SEC23A: variants seen among roughly 807,000 people sequenced by gnomAD.
SEC23A encodes protein transport protein Sec23A.
A neutral mutation model predicts 103.7 loss-of-function variants in SEC23A; 56 were observed. The observed-to-expected ratio is 0.54, with a 90% CI of 0.44 to 0.67. The LOEUF is 0.67. SEC23A is among the 30% of genes least tolerant of loss of function. The probability of loss-of-function intolerance (pLI) is 0.00; values close to 1 mark genes in which losing one functional copy is unlikely to be tolerated. For missense variants in SEC23A, 784 were observed against 936.4 expected, an observed-to-expected ratio of 0.84 and a Z score of 2.12; for synonymous variants, 281 against 293.0, an observed-to-expected ratio of 0.96 and a Z score of 0.42.
At chr14:39,102,578 T>C (rs2139312259) in intron 1 of SEC23A, among the ~76,000 whole-genome samples, 1 of 152,332 alleles carries the variant, frequency 6.6e-6, no homozygotes, top group Middle Eastern at 3.4e-3. Context: ...ACCCAAGGCA[T>C]TATCTTTACC....
Position 39,036,754 on chromosome 14 carries a change from G to A in SEC23A, c.2208+2277C>T, listed in dbSNP as rs142978991. Among the ~76,000 whole-genome samples, 12 of 152,132 alleles carry A rather than the reference G, an allele frequency of 7.9e-5. No homozygotes were observed. The East Asian group carries it at 1.2e-3, about 15-fold the overall frequency. ...TCCAAATAAGTTCTGTGCCCTTACC[G>A]TAATAACAATCATCTGCCTATCCTA... is the stretch of plus-strand genomic sequence containing the variant. On this transcript the variant is annotated intron_variant, in intron 19 of 19. Transcript: ENST00000307712.
intron 19 of SEC23A, among the ~76,000 whole-genome samples, chr14:39,034,088 A>T (rs1170689454): frequency 6.6e-6 from 1 of 152,230 alleles, no homozygotes; most frequent in Non-Finnish European, 1.5e-5. Context: ...AACATGCCAT[A>T]ACCTCTCCTG....
intron 13 of SEC23A, 46 bp from the exon 14 acceptor site, chr14:39,055,342 C>T (rs747020941): frequency 1.9e-6 from 3 of 1,584,306 alleles, no homozygotes; most frequent in Admixed American, 3.3e-5. Flanking sequence ...ATTATTATAC[C>T]CACAATATCA....
chr14:39,078,579 C>T (rs1244331609), intron 7 of SEC23A, among the ~76,000 whole-genome samples: 1 of 152,110 alleles, frequency 6.6e-6, no homozygotes, highest in Non-Finnish European at 1.5e-5. Context: ...AGGCCATCTG[C>T]CTGGAGAAGG....
chr14:39,054,829 A>T (rs980101065), intron 14 of SEC23A, among the ~76,000 whole-genome samples: 44 of 152,238 alleles, frequency 2.9e-4, no homozygotes, highest in African/African-American at 1.0e-3. Flanking sequence ...TATGTAAAAA[A>T]GCACTAAAAA....
At chr14:39,070,793 A>G (rs12184985) in intron 9 of SEC23A, among the ~76,000 whole-genome samples, 20,308 of 152,186 alleles carry the variant, frequency 0.13, 1,424 homozygotes, top group Middle Eastern at 0.18. Flanking sequence ...TTGGGAGGCC[A>G]TGGCAGGTGG....
At chr14:39,064,833 G>A in intron 11 of SEC23A, 80 bp downstream of exon 11, 1 of 1,018,296 alleles carries the variant, frequency 9.8e-7, no homozygotes, top group East Asian at 2.4e-5. Flanking sequence ...TCCTGCCTCA[G>A]CTTCCCAAGT....
chr14:39,040,037 T>C (rs1885585534), intron 18 of SEC23A: 1 of 152,224 alleles, frequency 6.6e-6, no homozygotes, highest in Non-Finnish European at 1.5e-5. Context: ...CACTAGGGAA[T>C]ACAAAGCATA....
rs1886937369 is a variant in SEC23A, at chr14:39,074,320, A to T, written c.1103+95T>A. The T allele has an allele frequency of 3.7e-6, 3 of 818,370 alleles. No homozygotes were observed. The African/African-American group carries it at 5.0e-5, about 14-fold the overall frequency. The allele number at this position is 818,370 out of a possible 1,614,324, so 50.7% of individuals were successfully genotyped here. On this transcript the variant is annotated intron_variant, in intron 9 of 19. Transcript: ENST00000307712. ...TGTGTTGCCTTGAAGTAGTGGGAAG[A>T]TGACACTTTTCCCTAAATGGTCATT...
intron 5 of SEC23A, chr14:39,091,205 C>A: frequency 4.2e-6 from 2 of 477,994 alleles, no homozygotes; most frequent in East Asian, 8.2e-5. Context: ...CAGCATGACT[C>A]TTCATAAGCC....
intron 10 of SEC23A, among the ~76,000 whole-genome samples, chr14:39,065,204 C>T (rs1886616990): frequency 6.6e-6 from 1 of 152,146 alleles, no homozygotes. Context: ...CCTTCTATTT[C>T]CATTAGCACA....
chr14:39,074,059 G>A (rs758608043), intron 9 of SEC23A, among the ~76,000 whole-genome samples: 10 of 152,256 alleles, frequency 6.6e-5, no homozygotes, highest in South Asian at 2.1e-4. Flanking sequence ...AACAAATTAC[G>A]GTGATGGCTG....
intron 13 of SEC23A, among the ~76,000 whole-genome samples, chr14:39,059,288 A>AC (rs752811988): frequency 0.026 from 2,503 of 97,404 alleles, 96 homozygotes; most frequent in South Asian, 0.072. Context: ...TAAAAAAAAA[A>AC]AAAAAAAAAA....
intron 14 of SEC23A, among the ~76,000 whole-genome samples, chr14:39,052,070 A>ATG (rs1886081914): frequency 6.6e-6 from 1 of 152,042 alleles, no homozygotes; most frequent in South Asian, 2.1e-4. Context: ...AAAAGCAAAC[A>ATG]CCACATGCTC....
At chr14:39,079,705 C>G (rs1412051602) in intron 7 of SEC23A, among the ~76,000 whole-genome samples, 1 of 151,996 alleles carries the variant, frequency 6.6e-6, no homozygotes, top group Non-Finnish European at 1.5e-5. Context: ...ACCTATAATC[C>G]CAGCTACTTG....
intron 14 of SEC23A, among the ~76,000 whole-genome samples, chr14:39,050,926 G>A (rs1181843451): frequency 6.6e-6 from 1 of 152,226 alleles, no homozygotes; most frequent in Non-Finnish European, 1.5e-5. Flanking sequence ...AGTATCTTAT[G>A]TGATAAATGA....
chr14:39,042,375 C>A (rs1375146579), intron 17 of SEC23A, among the ~76,000 whole-genome samples: 1 of 152,178 alleles, frequency 6.6e-6, no homozygotes, highest in African/African-American at 2.4e-5. Context: ...TTCATGTATG[C>A]TTTAAATGAG....
At chr14:39,068,434 T>C (rs1594461172) in intron 9 of SEC23A, among the ~76,000 whole-genome samples, 1 of 152,182 alleles carries the variant, frequency 6.6e-6, no homozygotes, top group East Asian at 1.9e-4. Flanking sequence ...AAACAAAATA[T>C]ATTCACAAGG....
intron 19 of SEC23A, among the ~76,000 whole-genome samples, chr14:39,034,675 C>T (rs781568842): frequency 1.7e-4 from 26 of 152,302 alleles, no homozygotes; most frequent in Non-Finnish European, 2.6e-4. Context: ...AATTTATATA[C>T]CACAGAGCTC....
Sources: gnomAD v4.1 joint callset for allele counts (sites outside exome capture counted in the v4.1 genomes callset) on GRCh38, gnomAD v4.1.1 for gene constraint, MANE v1.5 for transcripts, NCBI Gene and HGNC (gene_info 2026-07-23, HGNC 2026-07-21) for gene names.